TRPM3: variants seen among roughly 807,000 people sequenced by gnomAD.
TRPM3 encodes the protein long transient receptor potential channel 3.
Under a neutral mutation model 181.2 loss-of-function variants are expected in TRPM3, and 77 were observed. The ratio of observed to expected loss-of-function variants is 0.42; its 90% CI spans 0.35 to 0.51. The LOEUF is 0.51. Among genes scored for constraint, TRPM3 ranks in the 20% least tolerant of loss-of-function variants. The pLI is 0.01. For missense variants in TRPM3, 1,759 were observed against 2,196.7 expected (o/e 0.80, Z 3.98); for synonymous variants, 745 against 796.4 (o/e 0.94, Z 1.09).
chr9:70,985,741 T>C (rs1590310379), intron 1 of TRPM3, among the ~76,000 whole-genome samples: 1 of 152,120 alleles, frequency 6.6e-6, no homozygotes, highest in East Asian at 1.9e-4. Flanking sequence ...TCTGCACTCA[T>C]GCAATCTATG....
intron 1 of TRPM3, among the ~76,000 whole-genome samples, chr9:71,207,547 A>C (rs921875212): frequency 4.6e-5 from 7 of 152,146 alleles, no homozygotes; most frequent in Non-Finnish European, 7.4e-5. Context: ...CAAGAGATAA[A>C]TGTGATATCC....
intron 1 of TRPM3, among the ~76,000 whole-genome samples, chr9:71,267,822 G>A (rs142607721): frequency 1.3e-4 from 20 of 152,196 alleles, no homozygotes; most frequent in Middle Eastern, 3.4e-3. Context: ...TGGATAATAC[G>A]TGATGAGAAC....
At chr9:71,126,798 T>G (rs1232160557) in intron 1 of TRPM3, among the ~76,000 whole-genome samples, 2 of 152,220 alleles carry the variant, frequency 1.3e-5, no homozygotes, top group South Asian at 2.1e-4. Flanking sequence ...CTGTCCACCC[T>G]CTGCACAAAT....
At chr9:71,291,561 A>C (rs2085814049) in intron 1 of TRPM3, among the ~76,000 whole-genome samples, 4 of 152,150 alleles carry the variant, frequency 2.6e-5, no homozygotes, top group African/African-American at 7.2e-5. Context: ...ATCACTACTC[A>C]TCAAAATAGA....
chr9:71,246,173 A>T (rs1445249524), intron 1 of TRPM3, among the ~76,000 whole-genome samples: 2 of 152,226 alleles, frequency 1.3e-5, no homozygotes, highest in Non-Finnish European at 2.9e-5. Flanking sequence ...GTACAAAAGC[A>T]ATTCAAGGAA....
chr9:71,248,353 T>A lies in TRPM3; in HGVS notation c.183+198300A>T, dbSNP rs1166580427. On this transcript the variant is annotated intron_variant, in intron 1 of 24. Coordinates refer to the TRPM3 transcript ENST00000357533. Reference sequence around the variant, plus strand: ...GGGCCTCTGGGTATGGTAAGGTGGTTTCTTCTTCCTCTGGACATTCTGATA... The same window carrying A: ...GGGCCTCTGGGTATGGTAAGGTGGTATCTTCTTCCTCTGGACATTCTGATA... Among the ~76,000 whole-genome samples, 4 of 152,190 alleles carry A rather than the reference T, an allele frequency of 2.6e-5. No individual in the cohort carries two copies. In the East Asian group the frequency reaches 7.7e-4, roughly 29 times the overall value.
At chr9:70,951,021 G>A (rs2096992472) in intron 1 of TRPM3, among the ~76,000 whole-genome samples, 1 of 151,998 alleles carries the variant, frequency 6.6e-6, no homozygotes, top group African/African-American at 2.4e-5. Context: ...TATTTTTTCA[G>A]TTCAACACAA....
At chr9:70,798,531 G>A (rs1220138505) in intron 6 of TRPM3, among the ~76,000 whole-genome samples, 1 of 152,022 alleles carries the variant, frequency 6.6e-6, no homozygotes, top group Non-Finnish European at 1.5e-5. Flanking sequence ...ATTCTGCCTT[G>A]CTTTAAGGAG....
At chr9:71,239,711 A>C (rs1185813194) in intron 1 of TRPM3, among the ~76,000 whole-genome samples, 1 of 152,124 alleles carries the variant, frequency 6.6e-6, no homozygotes, top group Non-Finnish European at 1.5e-5. Flanking sequence ...ATTCCTTAGA[A>C]AAGTACTACA....
intron 6 of TRPM3, among the ~76,000 whole-genome samples, chr9:70,813,509 G>T (rs911206930): frequency 6.6e-6 from 1 of 152,074 alleles, no homozygotes; most frequent in Admixed American, 6.6e-5. Context: ...AGACACTAGG[G>T]ACTCCAAAAG....
chr9:70,643,096 C>T (rs553573388), intron 9 of TRPM3, among the ~76,000 whole-genome samples: 9 of 152,240 alleles, frequency 5.9e-5, no homozygotes, highest in East Asian at 1.9e-4. Context: ...TCAGCTCTCA[C>T]GTGGAATTTT....
chr9:70,549,558 G>A lies in TRPM3; in HGVS notation c.3691C>T (p.Arg1231Trp), dbSNP rs776429758. ...AGAACACACCTTTCTGAAGTCACCC[G>A]TATCCTCTCATCATTAGATGAGTTG... ...RFNSSNDERI[R>W]VTSERVENMS... The change falls in exon 25 of 26, where the codon CGG (arginine) becomes TGG (tryptophan). Residue 1231 changes from arginine to tryptophan, a missense_variant. By Grantham distance (101) the Arg-to-Trp change is moderately radical. Coordinates refer to ENST00000677713, the MANE Select transcript of TRPM3 (RefSeq NM_001366145.2). 4.3e-6 allele frequency: 7 copies of A among 1,613,074 alleles called. No individual in the cohort carries two copies. Among genetic ancestry groups the A allele is most frequent in the East Asian group, 4.5e-5 (2 of 44,838 alleles).
chr9:70,598,100 C>G (rs1327553151), intron 21 of TRPM3, among the ~76,000 whole-genome samples: 1 of 152,124 alleles, frequency 6.6e-6, no homozygotes, highest in Non-Finnish European at 1.5e-5. Context: ...ATTCCTCCCT[C>G]CCTCTCTCTC....
intron 3 of TRPM3, among the ~76,000 whole-genome samples, chr9:70,849,674 A>C (rs191701040): frequency 5.3e-5 from 8 of 152,346 alleles, no homozygotes; most frequent in Admixed American, 1.3e-4. Context: ...GAGTTATGGC[A>C]TTCTAAAGCC....
At chr9:70,659,277 C>T (rs1270933937) in intron 9 of TRPM3, among the ~76,000 whole-genome samples, 3 of 152,024 alleles carry the variant, frequency 2.0e-5, no homozygotes, top group Admixed American at 2.0e-4. Flanking sequence ...ACCTTGTTTA[C>T]ACAGTCCTTG....
chr9:70,699,823 G>C (rs1483346513), intron 8 of TRPM3, among the ~76,000 whole-genome samples: 1 of 152,188 alleles, frequency 6.6e-6, no homozygotes, highest in Non-Finnish European at 1.5e-5. Flanking sequence ...TAGGGGTGGA[G>C]TGTGGTTGTG....
At chr9:70,805,519 G>A (rs1158598194) in intron 6 of TRPM3, among the ~76,000 whole-genome samples, 2 of 122,786 alleles carry the variant, frequency 1.6e-5, no homozygotes, top group African/African-American at 5.8e-5. Flanking sequence ...GGGCGACAGA[G>A]CCAGACTCCA....
intron 6 of TRPM3, among the ~76,000 whole-genome samples, chr9:70,787,361 TA>T (rs1258543321): frequency 6.6e-6 from 1 of 152,188 alleles, no homozygotes; most frequent in Non-Finnish European, 1.5e-5. Context: ...AATTCTCTCT[TA>T]TTTTTTTCAG....
chr9:71,313,263 A>G (rs1286090519), intron 1 of TRPM3, among the ~76,000 whole-genome samples: 1 of 152,134 alleles, frequency 6.6e-6, no homozygotes, highest in Non-Finnish European at 1.5e-5. Context: ...AAATTTTTTA[A>G]GTACTATCTT....
Sources: gnomAD v4.1 joint callset for allele counts (sites outside exome capture counted in the v4.1 genomes callset) on GRCh38, gnomAD v4.1.1 for gene constraint, MANE v1.5 for transcripts, NCBI Gene and HGNC (gene_info 2026-07-23, HGNC 2026-07-21) for gene names.